The following TACR3 variants were observed in gnomAD, a reference collection of about 807,000 sequenced individuals.
TACR3 encodes tachykinin receptor 3.
Under a neutral mutation model 35.0 loss-of-function variants are expected in TACR3, and 34 were observed. The observed-to-expected ratio is 0.97, with a 90% confidence interval of 0.74 to 1.30. The LOEUF (loss-of-function observed/expected upper bound fraction) is 1.30. Among genes scored for constraint, TACR3 ranks in the 50% most tolerant of loss-of-function variants. The pLI is 0.00. For missense variants in TACR3, 558 were observed against 591.7 expected (o/e 0.94, Z 0.59); for synonymous variants, 233 against 221.1 (o/e 1.05, Z -0.48).
chr4:103,624,828 T>C (rs982675520), intron 3 of TACR3, among the ~76,000 whole-genome samples: 1 of 152,106 alleles, frequency 6.6e-6, no homozygotes, highest in Non-Finnish European at 1.5e-5. Flanking sequence ...GGGTAACAGA[T>C]GTGGGTAGGT....
intron 3 of TACR3, among the ~76,000 whole-genome samples, chr4:103,615,249 A>G (rs377210180): frequency 2.5e-4 from 38 of 152,242 alleles, no homozygotes; most frequent in African/African-American, 8.9e-4. Flanking sequence ...CTGAGGGACC[A>G]TGGGTAACAT....
intron 1 of TACR3, among the ~76,000 whole-genome samples, chr4:103,688,877 G>A (rs1376780656): frequency 6.6e-6 from 1 of 152,152 alleles, no homozygotes; most frequent in East Asian, 1.9e-4. Context: ...AATACCATTT[G>A]ACCCAGCCAT....
intron 3 of TACR3, among the ~76,000 whole-genome samples, chr4:103,636,523 A>G (rs1725195739): frequency 6.6e-6 from 1 of 152,086 alleles, no homozygotes; most frequent in Non-Finnish European, 1.5e-5. Flanking sequence ...ATAATACAAT[A>G]ATACAATTCA....
chr4:103,706,648 G>A (rs959344938), intron 1 of TACR3, among the ~76,000 whole-genome samples: 1 of 152,164 alleles, frequency 6.6e-6, no homozygotes, highest in Admixed American at 6.5e-5. Flanking sequence ...CAATGTGGAT[G>A]TGACGGTCAT....
At chr4:103,596,856 G>GT (rs1418585310) in intron 3 of TACR3, among the ~76,000 whole-genome samples, 1 of 151,628 alleles carries the variant, frequency 6.6e-6, no homozygotes, top group Non-Finnish European at 1.5e-5. Flanking sequence ...ATGCAGTTTG[G>GT]TTTTTTGTCC....
chr4:103,622,506 C>A (rs376417437), intron 3 of TACR3, among the ~76,000 whole-genome samples: 2 of 151,940 alleles, frequency 1.3e-5, no homozygotes, highest in African/African-American at 4.8e-5. Flanking sequence ...CTGAGGCAGG[C>A]GGATCACAAG....
At chr4:103,639,135 G>A (rs1180723201) in intron 3 of TACR3, among the ~76,000 whole-genome samples, 1 of 152,040 alleles carries the variant, frequency 6.6e-6, no homozygotes, top group Non-Finnish European at 1.5e-5. Flanking sequence ...AAAGACACAT[G>A]CACACGTATG....
chr4:103,710,399 G>A (rs183737943), intron 1 of TACR3, among the ~76,000 whole-genome samples: 2 of 152,254 alleles, frequency 1.3e-5, no homozygotes, highest in Admixed American at 6.5e-5. Flanking sequence ...ACGTGCTCCT[G>A]AATGACTACT....
chr4:103,700,065 G>A (rs1722613674), intron 1 of TACR3, among the ~76,000 whole-genome samples: 1 of 152,132 alleles, frequency 6.6e-6, no homozygotes, highest in Admixed American at 6.5e-5. Context: ...TGTTGAGTGA[G>A]TGAATACACA....
At chr4:103,686,207 A>G (rs1722232839) in intron 1 of TACR3, among the ~76,000 whole-genome samples, 1 of 152,198 alleles carries the variant, frequency 6.6e-6, no homozygotes, top group Non-Finnish European at 1.5e-5. Context: ...GACAGGAAAA[A>G]GTCTTAAGAG....
intron 3 of TACR3, among the ~76,000 whole-genome samples, chr4:103,640,576 TA>T (rs1725333262): frequency 6.6e-6 from 1 of 152,002 alleles, no homozygotes; most frequent in African/African-American, 2.4e-5. Flanking sequence ...TAACCTCTTA[TA>T]AGATGTATGG....
intron 1 of TACR3, among the ~76,000 whole-genome samples, chr4:103,669,098 A>G (rs1725998708): frequency 6.6e-6 from 1 of 152,124 alleles, no homozygotes; most frequent in African/African-American, 2.4e-5. Flanking sequence ...TATTTCACTT[A>G]ACATAATATC....
intron 3 of TACR3, among the ~76,000 whole-genome samples, chr4:103,629,038 C>G (rs895293816): frequency 3.9e-5 from 6 of 152,264 alleles, no homozygotes; most frequent in Admixed American, 3.3e-4. Flanking sequence ...ATGACAAAAA[C>G]CACATGATTA....
At chr4:103,600,142 T>G (rs1724159437) in intron 3 of TACR3, among the ~76,000 whole-genome samples, 1 of 152,184 alleles carries the variant, frequency 6.6e-6, no homozygotes, top group Non-Finnish European at 1.5e-5. Flanking sequence ...AGCCTGTTAT[T>G]GGTCTATTCA....
intron 3 of TACR3, among the ~76,000 whole-genome samples, chr4:103,637,616 G>T (rs1259302818): frequency 6.6e-6 from 1 of 152,122 alleles, no homozygotes; most frequent in Non-Finnish European, 1.5e-5. Context: ...AGGAAATAAA[G>T]GGTATTCAGT....
chr4:103,702,139 G>T (rs977835148), intron 1 of TACR3, among the ~76,000 whole-genome samples: 1 of 152,082 alleles, frequency 6.6e-6, no homozygotes, highest in Non-Finnish European at 1.5e-5. Flanking sequence ...GAAAATTTTC[G>T]CAACTTACTC....
chr4:103,689,881 C>G (rs987996205), intron 1 of TACR3, among the ~76,000 whole-genome samples: 3 of 152,046 alleles, frequency 2.0e-5, no homozygotes, highest in Admixed American at 2.0e-4. Flanking sequence ...AAGATCTGCA[C>G]CTAGGCACAT....
chr4:103,637,099 T>G (rs1167362297), intron 3 of TACR3, among the ~76,000 whole-genome samples: 1 of 152,116 alleles, frequency 6.6e-6, no homozygotes, highest in African/African-American at 2.4e-5. Context: ...GAGTCCAGCA[T>G]CATCCTGATA....
At chr4:103,696,048 A>C (rs1722514495) in intron 1 of TACR3, among the ~76,000 whole-genome samples, 1 of 151,956 alleles carries the variant, frequency 6.6e-6, no homozygotes, top group Non-Finnish European at 1.5e-5. Flanking sequence ...TGACAAAGGT[A>C]TTTTCAATAA....
Sources: allele counts gnomAD v4.1 joint callset (sites outside exome capture counted in the v4.1 genomes callset), GRCh38; gene constraint gnomAD v4.1.1; transcripts MANE v1.5; gene names NCBI Gene and HGNC (gene_info 2026-07-23, HGNC 2026-07-21).